Variants in PCSK6 observed in about 807,000 individuals in gnomAD.
The protein encoded by PCSK6 is proprotein convertase subtilisin/kexin type 6, also known as paired basic amino acid cleaving enzyme 4.
In PCSK6, 85 loss-of-function variants were observed where a neutral mutation model predicts 123.3. The ratio of observed to expected loss-of-function variants is 0.69; its 90% CI spans 0.58 to 0.83. The LOEUF is 0.83. Among genes scored for constraint, PCSK6 ranks in the 40% least tolerant of loss-of-function variants. The pLI is 0.00. For synonymous variants in PCSK6, 508 were observed against 516.0 expected (o/e 0.98, Z 0.21); for missense variants, 1,191 against 1,282.3 (o/e 0.93, Z 1.09).
chr15:101,486,852 C>G (rs1335700263), intron 1 of PCSK6, among the ~76,000 whole-genome samples: 2 of 152,186 alleles, frequency 1.3e-5, no homozygotes, highest in Admixed American at 6.5e-5. Flanking sequence ...CCATTAAGGG[C>G]TTGGAGAAAG....
intron 5 of PCSK6, among the ~76,000 whole-genome samples, chr15:101,429,031 C>T (rs557641439): frequency 2.0e-5 from 3 of 152,258 alleles, no homozygotes; most frequent in South Asian, 2.1e-4. Context: ...CTCCAGTGGC[C>T]GAGGCTTCCT....
At chr15:101,447,377 A>G (rs1442795140) in intron 1 of PCSK6, among the ~76,000 whole-genome samples, 1 of 152,176 alleles carries the variant, frequency 6.6e-6, no homozygotes, top group African/African-American at 2.4e-5. Context: ...TTAGGGTGTG[A>G]CAAGGACCCA....
chr15:101,306,555 C>G (rs754612601), intron 21 of PCSK6, among the ~76,000 whole-genome samples: 32 of 152,200 alleles, frequency 2.1e-4, no homozygotes, highest in Middle Eastern at 3.2e-3. Context: ...GAGCCCCCTT[C>G]CCTGCCCGTG....
intron 11 of PCSK6, among the ~76,000 whole-genome samples, chr15:101,379,417 C>T (rs932047949): frequency 2.0e-5 from 3 of 152,228 alleles, no homozygotes; most frequent in Admixed American, 2.0e-4. Flanking sequence ...ACACAGCTGT[C>T]TGACCTTTGG....
At chr15:101,429,522 T>C (rs1217118668) in intron 5 of PCSK6, among the ~76,000 whole-genome samples, 1 of 152,020 alleles carries the variant, frequency 6.6e-6, no homozygotes, top group East Asian at 1.9e-4. Flanking sequence ...AGCCAGTAAG[T>C]GGGAGAGCTG....
At chr15:101,457,097 A>G (rs2003918) in intron 1 of PCSK6, among the ~76,000 whole-genome samples, 87,910 of 152,018 alleles carry the variant, frequency 0.58, 25,890 homozygotes, top group African/African-American at 0.63. Flanking sequence ...CACTTGAACC[A>G]GGAGGCGGAG....
chr15:101,347,298 CAATAAA>C, intron 13 of PCSK6: 1 of 1,232,716 alleles, frequency 8.1e-7, no homozygotes, highest in Non-Finnish European at 1.0e-6. Context: ...AAAGAGATGT[CAATAAA>C]ACACAGATCA....
At chr15:101,406,775 C>A (rs1014941043) in intron 6 of PCSK6, among the ~76,000 whole-genome samples, 2 of 152,058 alleles carry the variant, frequency 1.3e-5, no homozygotes, top group South Asian at 2.1e-4. Flanking sequence ...TGTGTGGGGA[C>A]GCGCGGGGGA....
intron 6 of PCSK6, among the ~76,000 whole-genome samples, chr15:101,415,688 CAT>C (rs1282318077): frequency 2.6e-5 from 4 of 152,212 alleles, no homozygotes; most frequent in Admixed American, 2.0e-4. Context: ...AGAATTCCCA[CAT>C]GTTGTGGGAG....
chr15:101,388,421 G>C (rs2042132582), intron 9 of PCSK6, among the ~76,000 whole-genome samples: 1 of 152,208 alleles, frequency 6.6e-6, no homozygotes, highest in Non-Finnish European at 1.5e-5. Context: ...TTCTCTGCCA[G>C]TTTTGGTGAC....
intron 17 of PCSK6, 58 bp from the exon 18 acceptor site, chr15:101,322,665 C>A: frequency 8.8e-7 from 1 of 1,139,382 alleles, no homozygotes. Flanking sequence ...GGAATGAAAT[C>A]TGGGCAAGCA....
intron 5 of PCSK6, among the ~76,000 whole-genome samples, chr15:101,428,351 A>G (rs563856985): frequency 2.0e-5 from 3 of 152,144 alleles, no homozygotes; most frequent in African/African-American, 7.2e-5. Flanking sequence ...GTGCTGCGCC[A>G]CCTCGGCCTC....
intron 18 of PCSK6, among the ~76,000 whole-genome samples, chr15:101,318,861 C>T (rs748418711): frequency 6.6e-6 from 1 of 152,252 alleles, no homozygotes; most frequent in African/African-American, 2.4e-5. Flanking sequence ...AACCCCAACC[C>T]GCTCTTGCCT....
chr15:101,436,952 GCA>G (rs1488348770), intron 2 of PCSK6, among the ~76,000 whole-genome samples: 1 of 152,212 alleles, frequency 6.6e-6, no homozygotes. Flanking sequence ...GATTCATGCA[GCA>G]CACTGGAGCC....
At chr15:101,378,906 G>C (rs1567176125) in intron 11 of PCSK6, among the ~76,000 whole-genome samples, 1 of 152,236 alleles carries the variant, frequency 6.6e-6, no homozygotes, top group Non-Finnish European at 1.5e-5. Context: ...TGTGTCTGGT[G>C]GGTCTGGCAT....
At position 101,389,364 on chromosome 15, in the gene PCSK6, G is replaced by A. The variant is rs2042158733; in HGVS notation, c.1310+100C>T. ...CTCACTGAATGTGCTTAATGCCGCT[G>A]AGCTGTCCACTTCAATAGGGTGAAA... On this transcript the variant is annotated intron_variant, in intron 9 of 21. Transcript: ENST00000611716. The A allele has an allele frequency of 4.5e-6, 4 of 889,882 alleles. No individual in the cohort carries two copies. In the South Asian group the frequency reaches 5.5e-5, roughly 12 times the overall value. 55.1% of individuals were successfully genotyped at this position (889,882 alleles called of 1,614,324 possible). A position where few individuals can be genotyped will look rare whatever the true frequency, so the allele number is the denominator to read the frequency against.
intron 13 of PCSK6, among the ~76,000 whole-genome samples, chr15:101,342,645 T>A (rs915501554): frequency 6.6e-6 from 1 of 152,242 alleles, no homozygotes; most frequent in African/African-American, 2.4e-5. Flanking sequence ...CTCACGCCTG[T>A]AATCCCAGCA....
chr15:101,452,876 A>G (rs1442543705), intron 1 of PCSK6, among the ~76,000 whole-genome samples: 1 of 152,186 alleles, frequency 6.6e-6, no homozygotes, highest in African/African-American at 2.4e-5. Flanking sequence ...TTGTTTATGC[A>G]AAGGACACAC....
intron 1 of PCSK6, among the ~76,000 whole-genome samples, chr15:101,451,986 C>T (rs1433636375): frequency 6.6e-6 from 1 of 152,200 alleles, no homozygotes. Flanking sequence ...GTTGTTATTT[C>T]TTAAAGCATT....
Sources: gnomAD v4.1 joint callset for allele counts (sites outside exome capture counted in the v4.1 genomes callset) on GRCh38, gnomAD v4.1.1 for gene constraint, MANE v1.5 for transcripts, NCBI Gene and HGNC (gene_info 2026-07-23, HGNC 2026-07-21) for gene names.